Variants in TAFA1 observed in about 807,000 individuals in gnomAD.
TAFA1 encodes TAFA chemokine like family member 1, also known as chemokine-like protein TAFA-1.
A neutral mutation model predicts 18.5 loss-of-function variants in TAFA1; 4 were observed. That is an observed-to-expected ratio of 0.22 (90% confidence interval 0.11 to 0.49). The LOEUF (loss-of-function observed/expected upper bound fraction) is 0.49. TAFA1 is among the 20% of genes least tolerant of loss of function. TAFA1 has a pLI of 0.98. For synonymous variants in TAFA1, 56 were observed against 55.2 expected, an observed-to-expected ratio of 1.01 and a Z score of -0.06; for missense variants, 147 against 169.0, an observed-to-expected ratio of 0.87 and a Z score of 0.72.
chr3:68,265,824 T>C (rs1271343644), intron 2 of TAFA1, among the ~76,000 whole-genome samples: 1 of 152,150 alleles, frequency 6.6e-6, no homozygotes, highest in Admixed American at 6.6e-5. Context: ...ACATGGCTAA[T>C]TAAAATGCCA....
intron 2 of TAFA1, among the ~76,000 whole-genome samples, chr3:68,056,461 C>T (rs2064538161): frequency 6.6e-6 from 1 of 152,218 alleles, no homozygotes; most frequent in South Asian, 2.1e-4. Context: ...ACCCAAGTTT[C>T]AACTGTGTAA....
At chr3:68,003,051 G>A (rs978253620), upstream of TAFA1, among the ~76,000 whole-genome samples, 4 of 152,192 alleles carry the variant, frequency 2.6e-5, no homozygotes, top group Non-Finnish European at 5.9e-5. Context: ...TGTGAAACAT[G>A]CAACACCAAC....
At chr3:68,539,068 C>A (rs2073322238) in intron 4 of TAFA1, among the ~76,000 whole-genome samples, 188 bp downstream of exon 4, 2 of 152,186 alleles carry the variant, frequency 1.3e-5, no homozygotes, top group African/African-American at 4.8e-5. Context: ...TTGACTTTCC[C>A]ACACTGAGCA....
intron 2 of TAFA1, among the ~76,000 whole-genome samples, chr3:68,038,098 C>CCT (rs1398509195): frequency 0.014 from 2,092 of 152,246 alleles, 63 homozygotes; most frequent in African/African-American, 0.048. Context: ...CAGGGCGATG[C>CCT]TGAATTTTGT....
chr3:68,459,695 G>T (rs1234385460), intron 3 of TAFA1, among the ~76,000 whole-genome samples: 3 of 152,110 alleles, frequency 2.0e-5, no homozygotes, highest in Non-Finnish European at 4.4e-5. Context: ...TCAATACAAA[G>T]AGCTCATTGC....
chr3:68,144,197 T>G (rs1000214424), intron 2 of TAFA1, among the ~76,000 whole-genome samples: 1 of 152,134 alleles, frequency 6.6e-6, no homozygotes, highest in Non-Finnish European at 1.5e-5. Flanking sequence ...TTTTCTAAAT[T>G]TTGTTATTGT....
chr3:68,061,672 A>C (rs1343978335), intron 2 of TAFA1, among the ~76,000 whole-genome samples: 1 of 152,232 alleles, frequency 6.6e-6, no homozygotes, highest in Admixed American at 6.5e-5. Context: ...ACTATTGATC[A>C]TGTGCAGTGT....
chr3:68,064,710 G>A (rs2064651505), intron 2 of TAFA1, among the ~76,000 whole-genome samples: 1 of 148,652 alleles, frequency 6.7e-6, no homozygotes. Flanking sequence ...AATATTTTGT[G>A]TTTTGTGTAA....
chr3:68,452,472 G>A (rs986855052), intron 3 of TAFA1, among the ~76,000 whole-genome samples: 9 of 142,602 alleles, frequency 6.3e-5, no homozygotes, highest in East Asian at 6.2e-4. Context: ...GCAGTGAGCC[G>A]AGATCACGCC....
In TAFA1 at chr3:68,469,622, G is replaced by A. The variant is rs895127234; in HGVS notation, c.259+52202G>A. ...CGGGAGGTGGAGCTTGCAGTGAGCC[G>A]AGATAGCACCACTGCACTCCAGCCT... On this transcript the variant is annotated intron_variant, in intron 3 of 4. Transcript: ENST00000478136. Among the ~76,000 whole-genome samples the A allele has an allele frequency of 6.6e-5, 10 of 152,232 alleles. No individual in the cohort carries two copies. The South Asian group carries it at 1.0e-3, about 16-fold the overall frequency.
chr3:68,167,771 T>A (rs1199119825), intron 2 of TAFA1, among the ~76,000 whole-genome samples: 2 of 152,016 alleles, frequency 1.3e-5, no homozygotes, highest in Non-Finnish European at 2.9e-5. Context: ...AATAGTTTAA[T>A]AAAAGTTACA....
At chr3:68,483,597 G>A (rs1371885569) in intron 3 of TAFA1, among the ~76,000 whole-genome samples, 2 of 152,202 alleles carry the variant, frequency 1.3e-5, no homozygotes, top group African/African-American at 4.8e-5. Context: ...TAATTTCAGA[G>A]AATGCTAGTT....
intron 2 of TAFA1, among the ~76,000 whole-genome samples, chr3:68,037,368 A>G (rs1705075101): frequency 6.6e-6 from 1 of 152,182 alleles, no homozygotes; most frequent in African/African-American, 2.4e-5. Flanking sequence ...TTGTACTTTT[A>G]TCTTAGAAGC....
intron 2 of TAFA1, among the ~76,000 whole-genome samples, chr3:68,032,400 C>A (rs1451674568): frequency 6.6e-6 from 1 of 152,158 alleles, no homozygotes; most frequent in Non-Finnish European, 1.5e-5. Flanking sequence ...TCTGGGCATC[C>A]AGCCCTCACC....
chr3:68,497,178 C>G lies in TAFA1; in HGVS notation c.260-41578C>G, dbSNP rs186777574. On this transcript the variant is annotated intron_variant, in intron 3 of 4. Transcript: ENST00000478136. The stretch of plus-strand genomic sequence containing the variant: ...TTCAGTACTCTACCAGCTAATCATG[C>G]TTTCAAGATATGTTCTAGATGCTTT... 2.6e-5 allele frequency among the ~76,000 whole-genome samples: 4 copies of G among 152,272 alleles called. No homozygotes were observed. In the East Asian group the frequency reaches 5.8e-4, roughly 22 times the overall value.
intron 2 of TAFA1, among the ~76,000 whole-genome samples, chr3:68,303,721 T>C (rs963405651): frequency 1.3e-5 from 2 of 152,112 alleles, no homozygotes; most frequent in Admixed American, 6.5e-5. Flanking sequence ...AGTGCTGGGA[T>C]TACAGGCGTG....
chr3:68,469,422 T>A (rs2071952708), intron 3 of TAFA1, among the ~76,000 whole-genome samples: 1 of 152,040 alleles, frequency 6.6e-6, no homozygotes, highest in African/African-American at 2.4e-5. Flanking sequence ...CACCTGTAAT[T>A]CCAGCACTTT....
intron 3 of TAFA1, among the ~76,000 whole-genome samples, chr3:68,425,158 A>G (rs2071027205): frequency 6.6e-6 from 1 of 151,946 alleles, no homozygotes; most frequent in Admixed American, 6.6e-5. Flanking sequence ...CTAAGCCCCT[A>G]TTTATATTCA....
chr3:68,101,199 T>A (rs150706034), intron 2 of TAFA1, among the ~76,000 whole-genome samples: 17 of 152,046 alleles, frequency 1.1e-4, no homozygotes, highest in Non-Finnish European at 2.1e-4. Context: ...ATTTTAGATA[T>A]GGGAAATAGG....
Sources: allele counts gnomAD v4.1 joint callset (sites outside exome capture counted in the v4.1 genomes callset), GRCh38; gene constraint gnomAD v4.1.1; transcripts MANE v1.5; gene names NCBI Gene and HGNC (gene_info 2026-07-23, HGNC 2026-07-21).